Variants in PCDHA10 observed in about 807,000 individuals in gnomAD.
PCDHA10 encodes the protein protocadherin alpha 10, also known as protocadherin alpha-10.
In PCDHA10, 45 loss-of-function variants were observed where a neutral mutation model predicts 61.2. That is an observed-to-expected ratio of 0.74 (90% confidence interval 0.58 to 0.94). The LOEUF (loss-of-function observed/expected upper bound fraction) is 0.94. PCDHA10 is among the 40% of genes least tolerant of loss of function. The probability of loss-of-function intolerance (pLI) is 0.00; values close to 1 mark genes in which losing one functional copy is unlikely to be tolerated. For missense variants in PCDHA10, 1,278 were observed against 1,236.2 expected, an observed-to-expected ratio of 1.03 and a Z score of -0.51; for synonymous variants, 602 against 548.8, an observed-to-expected ratio of 1.10 and a Z score of -1.35.
intron 1 of PCDHA10, chr5:140,863,201 C>T (rs782647654): frequency 2.2e-5 from 20 of 925,678 alleles, no homozygotes; most frequent in South Asian, 1.0e-4. Context: ...GCGTCGCTGG[C>T]GGAGAGCAGC....
chr5:140,869,817 T>G, intron 1 of PCDHA10: 1 of 1,612,264 alleles, frequency 6.2e-7, no homozygotes, highest in Non-Finnish European at 8.5e-7. Flanking sequence ...TCAACGACAA[T>G]GATCCAGAGT....
intron 1 of PCDHA10, chr5:140,927,103 C>T: frequency 6.2e-7 from 1 of 1,613,768 alleles, no homozygotes; most frequent in Non-Finnish European, 8.5e-7. Flanking sequence ...GGTGGATCTA[C>T]CCAGCGGCAA....
chr5:140,989,775 C>G (rs1286076429), intron 3 of PCDHA10, among the ~76,000 whole-genome samples: 1 of 152,178 alleles, frequency 6.6e-6, no homozygotes, highest in Non-Finnish European at 1.5e-5. Flanking sequence ...CAAGCACTGG[C>G]TAGAGACTAG....
intron 1 of PCDHA10, chr5:140,867,533 T>C (rs2050017163): frequency 6.6e-6 from 1 of 152,110 alleles, no homozygotes. Flanking sequence ...AATATATATA[T>C]AAAATATTAG....
At chr5:140,881,376 C>G in intron 1 of PCDHA10, 5 of 984,754 alleles carry the variant, frequency 5.1e-6, no homozygotes, top group Non-Finnish European at 6.0e-6. Context: ...GAATTGCAGC[C>G]GGCGGCGGTA....
At chr5:140,927,381 A>G in intron 1 of PCDHA10, 2 of 1,614,102 alleles carry the variant, frequency 1.2e-6, no homozygotes, top group Non-Finnish European at 1.7e-6. Flanking sequence ...GCTACAGCCT[A>G]AGCCCCAGTC....
chr5:140,928,852 G>T, intron 1 of PCDHA10: 1 of 1,614,172 alleles, frequency 6.2e-7, no homozygotes, highest in Non-Finnish European at 8.5e-7. Flanking sequence ...CACTCTGGGT[G>T]TGCTGTTGAG....
chr5:140,889,700 T>C (rs1554184005), intron 1 of PCDHA10, among the ~76,000 whole-genome samples: 1 of 152,200 alleles, frequency 6.6e-6, no homozygotes, highest in African/African-American at 2.4e-5. Context: ...TATGGGCATA[T>C]TCCACAAGTT....
At chr5:141,000,608 A>G (rs1554257700) in intron 3 of PCDHA10, among the ~76,000 whole-genome samples, 2 of 150,664 alleles carry the variant, frequency 1.3e-5, no homozygotes, top group African/African-American at 4.9e-5. Context: ...TTGTATTTTT[A>G]GTAGAGACAG....
At chr5:140,882,633 A>G in intron 1 of PCDHA10, 1 of 1,614,220 alleles carries the variant, frequency 6.2e-7, no homozygotes, top group Non-Finnish European at 8.5e-7. Context: ...GTGGAGGTGA[A>G]GGTGAGGGAC....
intron 3 of PCDHA10, among the ~76,000 whole-genome samples, chr5:140,996,580 C>T (rs1351485354): frequency 6.6e-6 from 1 of 152,130 alleles, no homozygotes; most frequent in African/African-American, 2.4e-5. Context: ...AATTTGTTAA[C>T]AAGGGCCGCC....
chr5:140,908,416 G>GGAAT (rs1303787034), intron 1 of PCDHA10, among the ~76,000 whole-genome samples: 1 of 152,152 alleles, frequency 6.6e-6, no homozygotes, highest in African/African-American at 2.4e-5. Flanking sequence ...ATTTGATGAT[G>GGAAT]GAATGCTGCT....
chr5:140,943,139 TC>T (rs1314499841), intron 1 of PCDHA10, among the ~76,000 whole-genome samples: 5 of 151,168 alleles, frequency 3.3e-5, no homozygotes, highest in Non-Finnish European at 5.9e-5. Flanking sequence ...GTGCCTGTAG[TC>T]CCAGCTACTC....
chr5:140,955,975 A>G (rs2095244010), intron 1 of PCDHA10, among the ~76,000 whole-genome samples: 1 of 152,112 alleles, frequency 6.6e-6, no homozygotes, highest in Admixed American at 6.6e-5. Flanking sequence ...TAGGAATGCT[A>G]GCAATTTTTG....
intron 1 of PCDHA10, among the ~76,000 whole-genome samples, chr5:140,879,750 A>G (rs1554170976): frequency 1.3e-5 from 2 of 152,216 alleles, no homozygotes; most frequent in Non-Finnish European, 2.9e-5. Context: ...TGTCAAGGCT[A>G]TACTCTCTTT....
In PCDHA10 at chr5:140,857,802, T is replaced by C; in HGVS notation, c.1754T>C (p.Val585Ala). The C allele has an allele frequency of 6.3e-7, 1 of 1,596,456 alleles. No homozygotes were observed. Among genetic ancestry groups the C allele is most frequent in the Non-Finnish European group, 8.6e-7 (1 of 1,167,008 alleles). Residue 585 changes from valine to alanine, a missense_variant, in exon 1 of 4, where the codon GTT (valine) becomes GCT (alanine). By Grantham distance (64) the Val-to-Ala change is moderately conservative. Coordinates refer to ENST00000307360, the MANE Select transcript of PCDHA10 (RefSeq NM_018901.4). ...AGTGAGCTGGTGCTGCGGTCGGTGG[T>C]TGCGGGTCACGTGGTGGCTAAGGTG... ...AVSELVLRSV[V>A]AGHVVAKVRA...
At chr5:140,975,523 A>T (rs1275717294) in intron 1 of PCDHA10, among the ~76,000 whole-genome samples, 1 of 152,196 alleles carries the variant, frequency 6.6e-6, no homozygotes, top group African/African-American at 2.4e-5. Flanking sequence ...TCTGCAGTGG[A>T]TATATTCTTA....
At chr5:140,963,952 G>T (rs1466185819) in intron 1 of PCDHA10, among the ~76,000 whole-genome samples, 1 of 152,176 alleles carries the variant, frequency 6.6e-6, no homozygotes, top group Non-Finnish European at 1.5e-5. Context: ...TTAGTCACTG[G>T]CAGGAGTGTG....
At chr5:140,858,561 C>T in intron 1 of PCDHA10, 125 bp downstream of exon 1, 1 of 1,370,342 alleles carries the variant, frequency 7.3e-7, no homozygotes, top group Non-Finnish European at 1.0e-6. Flanking sequence ...TTGAATATTT[C>T]TAGTGATACC....
Sources: gnomAD v4.1 joint callset for allele counts (sites outside exome capture counted in the v4.1 genomes callset) on GRCh38, gnomAD v4.1.1 for gene constraint, MANE v1.5 for transcripts, NCBI Gene and HGNC (gene_info 2026-07-23, HGNC 2026-07-21) for gene names.